Variants in EHBP1 observed in about 807,000 individuals in gnomAD.
EHBP1 encodes the protein EH domain binding protein 1.
EHBP1 carries 55 observed loss-of-function variants against 144.0 expected under a neutral mutation model. The observed-to-expected ratio is 0.38, with a 90% CI of 0.31 to 0.48. The LOEUF (loss-of-function observed/expected upper bound fraction) is 0.48. EHBP1 is among the 20% of genes least tolerant of loss of function. EHBP1 has a pLI of 0.98. For synonymous variants in EHBP1, 469 were observed against 472.7 expected (o/e 0.99, Z 0.10); for missense variants, 1,200 against 1,364.2 (o/e 0.88, Z 1.90).
intron 1 of EHBP1, among the ~76,000 whole-genome samples, chr2:62,698,209 G>A (rs1008576050): frequency 1.3e-5 from 2 of 152,214 alleles, no homozygotes; most frequent in South Asian, 2.1e-4. Context: ...CAAGAAAAGA[G>A]TGAATATTTC....
chr2:62,970,653 G>A (rs562601730), intron 14 of EHBP1, among the ~76,000 whole-genome samples: 1 of 152,218 alleles, frequency 6.6e-6, no homozygotes, highest in Non-Finnish European at 1.5e-5. Flanking sequence ...GACATTTGCG[G>A]CAAGTGTAAA....
chr2:62,742,651 AG>A, intron 2 of EHBP1, among the ~76,000 whole-genome samples: 1 of 152,170 alleles, frequency 6.6e-6, no homozygotes, highest in Admixed American at 6.6e-5. Context: ...CCAAAAAAGG[AG>A]GGGAGGTTGC....
At chr2:62,786,867 C>T (rs2042841873) in intron 5 of EHBP1, among the ~76,000 whole-genome samples, 1 of 152,178 alleles carries the variant, frequency 6.6e-6, no homozygotes. Context: ...TGTGTGTTTT[C>T]TAAGAGCAGT....
intron 5 of EHBP1, among the ~76,000 whole-genome samples, chr2:62,814,651 T>G (rs2045308363): frequency 6.6e-6 from 1 of 152,214 alleles, no homozygotes; most frequent in Non-Finnish European, 1.5e-5. Context: ...CTGCAAGCAG[T>G]GATTTATTAT....
intron 3 of EHBP1, among the ~76,000 whole-genome samples, chr2:62,760,673 A>T (rs1174662893): frequency 6.6e-6 from 1 of 152,240 alleles, no homozygotes; most frequent in East Asian, 1.9e-4. Context: ...TGTGTCATAC[A>T]CTGAAATATT....
intron 5 of EHBP1, among the ~76,000 whole-genome samples, chr2:62,776,403 G>A (rs1367853885): frequency 6.6e-6 from 1 of 152,166 alleles, no homozygotes; most frequent in Non-Finnish European, 1.5e-5. Flanking sequence ...TTGAAGATTG[G>A]AAATAATGTA....
At chr2:62,747,579 A>G (rs77999162) in intron 3 of EHBP1, 127 bp downstream of exon 3, 208 of 735,426 alleles carry the variant, frequency 2.8e-4, no homozygotes, top group Non-Finnish European at 4.2e-4. Context: ...TGTCTACTGA[A>G]AATGGATTGA....
intron 21 of EHBP1, among the ~76,000 whole-genome samples, chr2:63,042,673 A>G (rs1204828397): frequency 6.6e-6 from 1 of 151,956 alleles, no homozygotes; most frequent in South Asian, 2.1e-4. Flanking sequence ...AAATTACTCA[A>G]TACTTCAAAG....
intron 6 of EHBP1, among the ~76,000 whole-genome samples, chr2:62,829,615 A>C (rs967273918): frequency 5.5e-5 from 8 of 146,568 alleles, no homozygotes; most frequent in Admixed American, 2.8e-4. Flanking sequence ...ATTATATATA[A>C]TACTACTATA....
intron 10 of EHBP1, among the ~76,000 whole-genome samples, chr2:62,910,264 G>T (rs947800581): frequency 1.3e-5 from 2 of 152,084 alleles, no homozygotes; most frequent in African/African-American, 4.8e-5. Context: ...AGTTTATATA[G>T]TTTGTACCAT....
chr2:62,992,211 CTT>C (rs1433863442), intron 16 of EHBP1, among the ~76,000 whole-genome samples: 2 of 151,994 alleles, frequency 1.3e-5, no homozygotes, highest in Non-Finnish European at 2.9e-5. Context: ...TTGGTAAAGA[CTT>C]GAGTATTAGA....
intron 19 of EHBP1, among the ~76,000 whole-genome samples, chr2:63,033,231 A>G (rs1399239924): frequency 2.0e-5 from 3 of 152,120 alleles, no homozygotes; most frequent in Non-Finnish European, 2.9e-5. Context: ...TCTTTTTGTC[A>G]TATGTCTTTC....
chr2:62,766,553 C>T (rs889751399), intron 4 of EHBP1, among the ~76,000 whole-genome samples: 3 of 152,086 alleles, frequency 2.0e-5, no homozygotes, highest in African/African-American at 7.2e-5. Flanking sequence ...TCTCTTGATA[C>T]CTCCATTCCT....
At chr2:62,795,036 ATACACAGAAAAAAAAAAT>A (rs1480352265) in intron 5 of EHBP1, among the ~76,000 whole-genome samples, 3 of 152,082 alleles carry the variant, frequency 2.0e-5, no homozygotes, top group Non-Finnish European at 4.4e-5. Context: ...TAATGTGTGT[ATACACAGAAAAAAAAAAT>A]CAAATCTGTT....
At chr2:62,858,481 G>C (rs753000207) in intron 7 of EHBP1, 1 of 1,611,344 alleles carries the variant, frequency 6.2e-7, no homozygotes, top group Admixed American at 1.7e-5. Flanking sequence ...GCAAATATGC[G>C]TTCAGCTAAA....
At chr2:62,881,459 GGAAGGGGAAGGA>G (rs2051416421) in intron 10 of EHBP1, among the ~76,000 whole-genome samples, 1 of 146,584 alleles carries the variant, frequency 6.8e-6, no homozygotes, top group South Asian at 2.2e-4. Context: ...GAAAGGGAAA[GGAAGGGGAAGGA>G]GAAGGGGAAG....
At chr2:62,790,135 C>G (rs1348503072) in intron 5 of EHBP1, among the ~76,000 whole-genome samples, 1 of 152,154 alleles carries the variant, frequency 6.6e-6, no homozygotes, top group Non-Finnish European at 1.5e-5. Context: ...GACCTTTACC[C>G]TGACATAATG....
intron 15 of EHBP1, among the ~76,000 whole-genome samples, chr2:62,981,449 G>A (rs2058967402): frequency 6.6e-6 from 1 of 152,126 alleles, no homozygotes; most frequent in Admixed American, 6.5e-5. Flanking sequence ...AGGATGAAGG[G>A]GCAGTTGGTA....
At chr2:62,858,247 G>T in intron 7 of EHBP1, 1 of 449,988 alleles carries the variant, frequency 2.2e-6, no homozygotes, top group Non-Finnish European at 4.0e-6. Context: ...ATTCAGTTAA[G>T]CATATCTGTT....
Sources: gnomAD v4.1 joint callset for allele counts (sites outside exome capture counted in the v4.1 genomes callset) on GRCh38, gnomAD v4.1.1 for gene constraint, MANE v1.5 for transcripts, NCBI Gene and HGNC (gene_info 2026-07-23, HGNC 2026-07-21) for gene names.